RNFT1: variants seen among roughly 807,000 people sequenced by gnomAD.
RNFT1 encodes the protein E3 ubiquitin-protein ligase RNFT1.
Under a neutral mutation model 53.2 loss-of-function variants are expected in RNFT1, and 35 were observed. That is an observed-to-expected ratio of 0.66 (90% CI 0.50 to 0.87). The LOEUF is 0.87. RNFT1 is among the 40% of genes least tolerant of loss of function. RNFT1 has a pLI of 0.00. For synonymous variants in RNFT1, 141 were observed against 172.8 expected (o/e 0.82, Z 1.44); for missense variants, 421 against 515.0 (o/e 0.82, Z 1.77).
chr17:59,954,107 C>T lies in RNFT1; in HGVS notation c.1111G>A (p.Val371Met), dbSNP rs374047009. The stretch of plus-strand genomic sequence containing the variant: ...TGACATATTGAACAAATATCATCCA[C>T]ATCTGAACACTGTCTCTTGCTGGCA... ...VAASKRQCSD[V>M]DDICSICQAE... is the part of the protein sequence containing the mutation. Residue 371 changes from valine (V) to methionine (M), a missense_variant, in exon 8 of 9, where the codon GTG becomes ATG. Coordinates refer to ENST00000305783, the MANE Select transcript of RNFT1 (RefSeq NM_016125.4). 3.7e-6 allele frequency: 6 copies of T among 1,603,740 alleles called. No homozygotes were observed. The highest frequency in any genetic ancestry group is 5.1e-6 in the Non-Finnish European group (6 of 1,176,952).
At chr17:59,960,814 G>GA (rs1446486135) in intron 3 of RNFT1, among the ~76,000 whole-genome samples, 3 of 151,128 alleles carry the variant, frequency 2.0e-5, no homozygotes, top group South Asian at 2.1e-4. Context: ...CACCGTCTCA[G>GA]AAAAAAAATG....
chr17:59,958,812 A>G, intron 4 of RNFT1: 1 of 349,172 alleles, frequency 2.9e-6, no homozygotes, highest in Non-Finnish European at 5.5e-6. Context: ...AAGATCATCA[A>G]CTCCCTCTGT....
In RNFT1 at chr17:59,964,635, GT is replaced by G; in HGVS notation, c.28del (p.Thr10HisfsTer26). On this transcript the variant is annotated frameshift_variant, in exon 1 of 9. Coordinates refer to ENST00000305783, the MANE Select transcript of RNFT1 (RefSeq NM_016125.4). LOFTEE classifies it high-confidence loss of function. MPLFLLSLPTPPSASGHERR... is the reference protein window; with the variant it reads MPLFLLSLPXPPSASGHERR... The stretch of plus-strand genomic sequence containing the variant: ...CTCATGACCAGAAGCGGACGGAGGT[GT>G]CGGGAGCGACAGCAAGAACAGCGGC... 1 of 1,608,368 alleles carries G rather than the reference GT, an allele frequency of 6.2e-7. No homozygotes were observed. The highest frequency in any genetic ancestry group is 1.1e-5 in the South Asian group (1 of 89,956).
chr17:59,961,361 GT>G (rs1408089277), intron 3 of RNFT1, among the ~76,000 whole-genome samples: 1 of 151,906 alleles, frequency 6.6e-6, no homozygotes, highest in Non-Finnish European at 1.5e-5. Flanking sequence ...TTAAAGTCAA[GT>G]TTAATGAAGT....
intron 3 of RNFT1, among the ~76,000 whole-genome samples, chr17:59,960,437 CAAAAAAAAAAA>C (rs11406596): frequency 8.8e-5 from 6 of 68,324 alleles, no homozygotes; most frequent in African/African-American, 2.6e-4. Flanking sequence ...AGTCTTCTCT[CAAAAAAAAAAA>C]AAAAAAAAGA....
intron 7 of RNFT1, among the ~76,000 whole-genome samples, chr17:59,954,535 A>G (rs572148763): frequency 6.6e-6 from 1 of 152,198 alleles, no homozygotes; most frequent in African/African-American, 2.4e-5. Flanking sequence ...CATAAAGTCA[A>G]TCCAGCCAGA....
intron 8 of RNFT1, 32 bp from the exon 9 acceptor site, chr17:59,953,143 T>TTGA: frequency 6.5e-7 from 1 of 1,538,428 alleles, no homozygotes; most frequent in African/African-American, 1.4e-5. Context: ...GATTTGATAT[T>TTGA]TGATAATCAT....
chr17:59,962,149 T>C (rs1372183263), intron 3 of RNFT1, among the ~76,000 whole-genome samples: 2 of 152,150 alleles, frequency 1.3e-5, no homozygotes, highest in African/African-American at 2.4e-5. Context: ...CCTCCCAAAG[T>C]GCTGGGATTA....
intron 4 of RNFT1, chr17:59,959,567 T>C (rs2145117949): frequency 6.6e-6 from 1 of 152,342 alleles, no homozygotes; most frequent in South Asian, 2.1e-4. Flanking sequence ...TAAATATTTA[T>C]TGAGCATCTG....
chr17:59,963,132 T>A lies in RNFT1; in HGVS notation c.209A>T (p.Glu70Val), dbSNP rs749019062. The change falls in exon 2 of 9, where the codon GAG becomes GTG. Residue 70 changes from glutamate to valine, a missense_variant. By Grantham distance (121) the Glu-to-Val change is moderately radical (BLOSUM62 -2). Coordinates refer to ENST00000305783, the MANE Select transcript of RNFT1 (RefSeq NM_016125.4). ...ATCTCCAGAATGAGGGCAAGAACCC[T>A]CTCCTGTCAATCTTGTGTGGACACA... ...PQCVHTRLTG[E>V]GSCPHSGDVH... is the part of the protein sequence containing the mutation. The A allele has an allele frequency of 7.4e-6, 12 of 1,614,078 alleles. No homozygotes were observed. In the East Asian group the frequency reaches 2.7e-4, roughly 36 times the overall value.
rs2145112619 is a variant in RNFT1, at chr17:59,952,374, ATTTAT to A, written c.*598_*602del. 2 of 152,348 alleles carry A rather than the reference ATTTAT, an allele frequency of 1.3e-5. No homozygotes were observed. Among genetic ancestry groups the A allele is most frequent in the South Asian group, 4.1e-4 (2 of 4,826 alleles). The allele number at this position is 152,348 out of a possible 1,614,324, so 9.4% of individuals were successfully genotyped here. A position where few individuals can be genotyped will look rare whatever the true frequency, so the allele number is the denominator to read the frequency against. On this transcript the variant is annotated 3_prime_UTR_variant, in exon 9 of 9. Coordinates refer to ENST00000305783, the MANE Select transcript of RNFT1 (RefSeq NM_016125.4). ...TCCAGAGACAAAATGAATTTAAATC[ATTTAT>A]TTTCACTTATTACTAATCTTACTAC...
rs1053604179 is a variant in RNFT1 at position 59,962,741 on chromosome 17, T to C, written c.514+86A>G. 48 of 1,339,076 alleles carry C rather than the reference T, an allele frequency of 3.6e-5. No homozygotes were observed. The African/African-American group carries it at 4.3e-4, about 12-fold the overall frequency. 82.9% of individuals were successfully genotyped at this position (1,339,076 alleles called of 1,614,324 possible). A position where few individuals can be genotyped will look rare whatever the true frequency, so the allele number is the denominator to read the frequency against. On this transcript the variant is annotated intron_variant, in intron 2 of 8. Transcript: ENST00000305783. ...TAAAAGCTCACAGAAAATAAGTAAC[T>C]GGATGCATTAAGTAGATTACCAATA...
chr17:59,955,535 A>G (rs942413815), intron 7 of RNFT1, among the ~76,000 whole-genome samples: 1 of 152,164 alleles, frequency 6.6e-6, no homozygotes, highest in Admixed American at 6.5e-5. Flanking sequence ...AATTATAGTA[A>G]AATGGTTGAT....
intron 7 of RNFT1, among the ~76,000 whole-genome samples, chr17:59,955,834 C>CCA (rs2145115292): frequency 6.6e-6 from 1 of 152,214 alleles, no homozygotes; most frequent in Admixed American, 6.5e-5. Flanking sequence ...AGTCTGCTGA[C>CCA]CACACATAGG....
intron 5 of RNFT1, 82 bp downstream of exon 5, chr17:59,958,206 AAGG>A (rs995964676): frequency 1.5e-6 from 2 of 1,363,914 alleles, no homozygotes; most frequent in Non-Finnish European, 2.0e-6. Flanking sequence ...AAAACTGCAA[AAGG>A]AGGATTCATT....
At chr17:59,953,913 A>AT (rs2045237630) in intron 8 of RNFT1, 132 bp downstream of exon 8, 2 of 587,408 alleles carry the variant, frequency 3.4e-6, no homozygotes, top group Non-Finnish European at 6.0e-6. Flanking sequence ...ATCCACTAGT[A>AT]TGTACCCTGA....
rs535208402 is a variant in RNFT1, at chr17:59,964,597, C to G, written c.56+11G>C. ...CCGCCTCCTCCTCTGCCCGCTTCCCCCAGGCCTAACCTCTCATGACCAGAA... is the reference window on the plus strand; with the variant it reads ...CCGCCTCCTCCTCTGCCCGCTTCCCGCAGGCCTAACCTCTCATGACCAGAA... On this transcript the variant is annotated intron_variant, in intron 1 of 8. Transcript: ENST00000305783. 5.0e-6 allele frequency: 8 copies of G among 1,596,392 alleles called. No homozygotes were observed. The highest frequency in any genetic ancestry group is 4.5e-5 in the East Asian group (2 of 44,040).
rs1163175263 is a variant in RNFT1 at position 59,957,314 on chromosome 17, C to T, written c.915G>A (p.Trp305Ter). Residue 305 changes from tryptophan (W) to a stop codon, truncating the protein, a stop_gained, in exon 6 of 9, where the codon TGG (tryptophan) becomes TGA (stop). Coordinates refer to ENST00000305783, the MANE Select transcript of RNFT1 (RefSeq NM_016125.4). LOFTEE classifies it high-confidence loss of function. ...YYRTFVPIPV[W>*]FRYLISYGEF... The stretch of plus-strand genomic sequence containing the variant: ...CCCCATAGCTTATAAGGTAGCGAAA[C>T]CAAACTGGTATGGGAACAAAAGTTC... 4 of 1,613,708 alleles carry T rather than the reference C, an allele frequency of 2.5e-6. No individual in the cohort carries two copies. Among genetic ancestry groups the T allele is most frequent in the Admixed American group, 1.7e-5 (1 of 59,956 alleles).
chr17:59,961,545 CTTATG>C (rs1239240741), intron 3 of RNFT1, among the ~76,000 whole-genome samples: 2 of 151,690 alleles, frequency 1.3e-5, no homozygotes, highest in African/African-American at 4.8e-5. Context: ...GCTCGTGTAA[CTTATG>C]TTATGGAAAA....
Sources: gnomAD v4.1 joint callset for allele counts (sites outside exome capture counted in the v4.1 genomes callset) on GRCh38, gnomAD v4.1.1 for gene constraint, MANE v1.5 for transcripts, NCBI Gene and HGNC (gene_info 2026-07-23, HGNC 2026-07-21) for gene names.